The following OPN3 variants were observed in gnomAD, a reference collection of about 807,000 sequenced individuals.
OPN3 encodes opsin 3, also known as opsin-3.
In OPN3, 29 loss-of-function variants were observed where a neutral mutation model predicts 33.8. The ratio of observed to expected loss-of-function variants is 0.86; its 90% confidence interval spans 0.64 to 1.17. The LOEUF (loss-of-function observed/expected upper bound fraction) is 1.17. OPN3 is among the 50% of genes most tolerant of loss of function. The pLI, the probability that OPN3 is intolerant of heterozygous loss-of-function variation, is 0.00. For missense variants in OPN3, 437 were observed against 514.1 expected (o/e 0.85, Z 1.45); for synonymous variants, 216 against 216.1 (o/e 1.00, Z 0.00).
At chr1:241,605,750 T>C (rs751003773) in intron 1 of OPN3, among the ~76,000 whole-genome samples, 2 of 152,346 alleles carry the variant, frequency 1.3e-5, no homozygotes, top group Admixed American at 6.5e-5. Context: ...TGAAGAAATA[T>C]GTACCAGAGC....
intron 1 of OPN3, chr1:241,632,523 G>A (rs1664681380): frequency 6.6e-6 from 1 of 152,116 alleles, no homozygotes; most frequent in African/African-American, 2.4e-5. Flanking sequence ...TAGAGGAAAA[G>A]CAAGTTCATG....
intron 1 of OPN3, among the ~76,000 whole-genome samples, chr1:241,622,862 C>T (rs180858627): frequency 2.4e-4 from 36 of 152,160 alleles, no homozygotes; most frequent in Non-Finnish European, 7.4e-5. Context: ...TGGCTTCGAG[C>T]ATAGTGTCCA....
At chr1:241,638,823 G>A (rs1209041003) in intron 1 of OPN3, among the ~76,000 whole-genome samples, 2 of 152,080 alleles carry the variant, frequency 1.3e-5, no homozygotes, top group Non-Finnish European at 2.9e-5. Flanking sequence ...AGAGGTTACT[G>A]AATAAGAAAA....
chr1:241,619,238 C>G (rs1200749795), intron 1 of OPN3, among the ~76,000 whole-genome samples: 1 of 152,112 alleles, frequency 6.6e-6, no homozygotes, highest in Admixed American at 6.6e-5. Context: ...TTGGAAATTG[C>G]CCCAACATAA....
intron 1 of OPN3, among the ~76,000 whole-genome samples, chr1:241,605,306 C>T (rs1663797629): frequency 6.6e-6 from 1 of 151,992 alleles, no homozygotes; most frequent in Non-Finnish European, 1.5e-5. Context: ...TGCAAAAGCT[C>T]AAGCTGAATG....
At position 241,622,094 on chromosome 1, in the gene OPN3, C is replaced by A. The variant is rs565639111; in HGVS notation, c.374-17515G>T. On this transcript the variant is annotated intron_variant, in intron 1 of 3. Transcript: ENST00000366554. ...AGGGCACTGGTTTAGGTTTCATATC[C>A]TCCACTTTTTGTGTGACCTTGAACA... is the stretch of plus-strand genomic sequence containing the variant. 4.3e-4 allele frequency among the ~76,000 whole-genome samples: 66 copies of A among 152,246 alleles called. 3 individuals are homozygous for A. In the South Asian group the frequency reaches 0.013, roughly 31 times the overall value.
intron 2 of OPN3, 135 bp from the exon 3 acceptor site, chr1:241,598,132 G>A (rs931611529): frequency 3.0e-6 from 3 of 986,646 alleles, no homozygotes; most frequent in African/African-American, 3.3e-5. Flanking sequence ...ACCTTGGCAG[G>A]CTGACTTCTG....
chr1:241,605,065 A>T lies in OPN3; in HGVS notation c.374-486T>A, dbSNP rs113315974. Among the ~76,000 whole-genome samples the T allele has an allele frequency of 8.8e-3, 1,257 of 143,196 alleles. 9 individuals are homozygous for T. The highest frequency in any genetic ancestry group is 0.029 in the East Asian group (143 of 4,948). 93.9% of individuals were successfully genotyped at this position (143,196 alleles called of 152,430 possible). ...AGCCAGACCTTATCTCAAAAAAAAAAAAAATAAAATAAAATAAAATGGAAA... is the reference window on the plus strand; with the variant it reads ...AGCCAGACCTTATCTCAAAAAAAAATAAAATAAAATAAAATAAAATGGAAA... On this transcript the variant is annotated intron_variant, in intron 1 of 3. Transcript: ENST00000366554.
At chr1:241,604,634 A>G (rs930139836) in intron 1 of OPN3, 55 bp from the exon 2 acceptor site, 4 of 1,459,558 alleles carry the variant, frequency 2.7e-6, no homozygotes, top group African/African-American at 2.8e-5. Flanking sequence ...AACCGGGCAT[A>G]AGAGACGTGA....
rs1663393836 is a variant in OPN3 at position 241,593,495 on chromosome 1, A to C, written c.*933T>G. ...TTTCTTTTCTATATTGTCAATGAAA[A>C]CCTTGAGTTCTAATAATCCATGTTC... On this transcript the variant is annotated 3_prime_UTR_variant, in exon 4 of 4. Transcript: ENST00000366554. The C allele has an allele frequency of 3.2e-6, 1 of 312,126 alleles. No individual in the cohort carries two copies. Among genetic ancestry groups the C allele is most frequent in the Non-Finnish European group, 7.4e-6 (1 of 134,352 alleles). The allele number at this position is 312,126 out of a possible 1,614,324, so 19.3% of individuals were successfully genotyped here. A position where few individuals can be genotyped will look rare whatever the true frequency, so the allele number is the denominator to read the frequency against.
chr1:241,627,151 C>A (rs951423983), intron 1 of OPN3, among the ~76,000 whole-genome samples: 1 of 152,194 alleles, frequency 6.6e-6, no homozygotes. Context: ...CTCGACATAT[C>A]AGAATAAAGA....
At chr1:241,620,043 A>C (rs1215651967) in intron 1 of OPN3, among the ~76,000 whole-genome samples, 1 of 145,176 alleles carries the variant, frequency 6.9e-6, no homozygotes, top group Non-Finnish European at 1.5e-5. Context: ...TAAGTGCCAG[A>C]GGAGCCCAGA....
chr1:241,607,336 G>A (rs748070993), intron 1 of OPN3, among the ~76,000 whole-genome samples: 4 of 152,104 alleles, frequency 2.6e-5, no homozygotes, highest in Non-Finnish European at 2.9e-5. Flanking sequence ...CCAACGTGGT[G>A]AAAACCTGTC....
chr1:241,609,921 G>T (rs1295107981), intron 1 of OPN3, among the ~76,000 whole-genome samples: 1 of 152,206 alleles, frequency 6.6e-6, no homozygotes, highest in Admixed American at 6.5e-5. Context: ...CCACAGCAGG[G>T]ATAGTCCATC....
At chr1:241,634,041 C>A (rs1664764279) in intron 1 of OPN3, 1 of 1,612,816 alleles carries the variant, frequency 6.2e-7, no homozygotes. Context: ...CCAGAGCAGA[C>A]ATAAACATTG....
intron 1 of OPN3, among the ~76,000 whole-genome samples, chr1:241,637,776 C>G (rs955511881): frequency 2.0e-5 from 3 of 152,062 alleles, no homozygotes; most frequent in Non-Finnish European, 4.4e-5. Context: ...TGAGAAAGCC[C>G]GCACAATGCA....
chr1:241,636,241 G>A (rs915644676), intron 1 of OPN3, among the ~76,000 whole-genome samples: 1 of 152,132 alleles, frequency 6.6e-6, no homozygotes, highest in Non-Finnish European at 1.5e-5. Flanking sequence ...CTTGAGAATG[G>A]ACAATAGAGA....
chr1:241,594,922 T>C (rs960860987), intron 3 of OPN3: 1 of 477,030 alleles, frequency 2.1e-6, no homozygotes, highest in East Asian at 3.5e-5. Flanking sequence ...TTCAATACCT[T>C]GTAATCCTCC....
intron 1 of OPN3, among the ~76,000 whole-genome samples, chr1:241,616,869 C>G (rs575078568): frequency 1.3e-5 from 2 of 152,154 alleles, no homozygotes; most frequent in Non-Finnish European, 1.5e-5. Flanking sequence ...TAAAGGATCA[C>G]TTTTTCAACT....
Sources: allele counts gnomAD v4.1 joint callset (sites outside exome capture counted in the v4.1 genomes callset), GRCh38; gene constraint gnomAD v4.1.1; transcripts MANE v1.5; gene names NCBI Gene and HGNC (gene_info 2026-07-23, HGNC 2026-07-21).